The following SLC39A8 variants were observed in gnomAD, a reference collection of about 807,000 sequenced individuals.
SLC39A8 encodes metal cation symporter ZIP8.
SLC39A8 carries 15 observed loss-of-function variants against 40.4 expected under a neutral mutation model. The ratio of observed to expected loss-of-function variants is 0.37; its 90% CI spans 0.25 to 0.57. The LOEUF (loss-of-function observed/expected upper bound fraction) is 0.57. Ranked by LOEUF, SLC39A8 falls within the 20% of genes least tolerant of loss-of-function variation. The probability of loss-of-function intolerance (pLI) is 0.75; values close to 1 mark genes in which losing one functional copy is unlikely to be tolerated. For synonymous variants in SLC39A8, 223 were observed against 221.6 expected (o/e 1.01, Z -0.06); for missense variants, 472 against 558.8 (o/e 0.84, Z 1.57).
intron 6 of SLC39A8, among the ~76,000 whole-genome samples, chr4:102,277,724 G>A (rs1732685358): frequency 1.3e-5 from 2 of 152,170 alleles, no homozygotes; most frequent in African/African-American, 4.8e-5. Context: ...CACGCTACCT[G>A]ACTTCAAACT....
At chr4:102,290,250 A>C (rs1310238953) in intron 6 of SLC39A8, among the ~76,000 whole-genome samples, 1 of 152,154 alleles carries the variant, frequency 6.6e-6, no homozygotes, top group Non-Finnish European at 1.5e-5. Flanking sequence ...GTCATTGTTT[A>C]GACATAATGA....
rs16996763 is a variant in SLC39A8 at position 102,255,425 on chromosome 4, A to G, written c.*299-1995T>C. Among the ~76,000 whole-genome samples, 258 of 152,298 alleles carry G rather than the reference A, an allele frequency of 1.7e-3. 1 individual carries two copies. Among genetic ancestry groups the G allele is most frequent in the African/African-American group, 6.0e-3 (250 of 41,580 alleles). ...ACACAACTCTCTCCAATCAGTCCCC[A>G]TAGCTTCTACTGTTTTCTCAGCATC... On this transcript the variant is annotated intron_variant and NMD_transcript_variant, in intron 11 of 11. Transcript: ENST00000424970.
chr4:102,305,836 T>C (rs1050447156), intron 4 of SLC39A8, among the ~76,000 whole-genome samples: 33 of 151,966 alleles, frequency 2.2e-4, no homozygotes, highest in African/African-American at 6.5e-4. Flanking sequence ...TTCAAATAAA[T>C]AGAATCAGAG....
At chr4:102,263,258 T>C in intron 8 of SLC39A8, 65 bp from the exon 9 acceptor site, 1 of 1,407,340 alleles carries the variant, frequency 7.1e-7, no homozygotes, top group Non-Finnish European at 1.0e-6. Context: ...AACAGTCACT[T>C]AGAGGCATAC....
At chr4:102,289,384 A>G (rs780981909) in intron 6 of SLC39A8, among the ~76,000 whole-genome samples, 12 of 152,132 alleles carry the variant, frequency 7.9e-5, no homozygotes, top group Non-Finnish European at 1.3e-4. Flanking sequence ...AAGGAGATGA[A>G]TGTCGTTTTC....
intron 2 of SLC39A8, among the ~76,000 whole-genome samples, chr4:102,328,853 G>T (rs140683414): frequency 0.016 from 2,473 of 152,052 alleles, 71 homozygotes; most frequent in African/African-American, 0.057. Context: ...GTGAAACCCC[G>T]TCTCTACTAA....
At chr4:102,293,466 T>C (rs916870367) in intron 6 of SLC39A8, among the ~76,000 whole-genome samples, 4 of 151,962 alleles carry the variant, frequency 2.6e-5, no homozygotes, top group African/African-American at 9.7e-5. Flanking sequence ...TCAATATGGA[T>C]GCAGAAAGTC....
intron 2 of SLC39A8, among the ~76,000 whole-genome samples, chr4:102,344,090 C>A (rs1736053989): frequency 6.6e-6 from 1 of 152,206 alleles, no homozygotes; most frequent in South Asian, 2.1e-4. Context: ...CGTTATCTTT[C>A]TGGCAAGATT....
intron 6 of SLC39A8, among the ~76,000 whole-genome samples, chr4:102,281,412 T>C (rs1178207215): frequency 9.2e-5 from 14 of 152,174 alleles, no homozygotes; most frequent in Admixed American, 9.2e-4. Context: ...ACATTTGACA[T>C]GAATTACATC....
At chr4:102,327,050 G>C (rs992627062) in intron 2 of SLC39A8, among the ~76,000 whole-genome samples, 7 of 152,170 alleles carry the variant, frequency 4.6e-5, no homozygotes, top group Non-Finnish European at 1.0e-4. Flanking sequence ...GAGACACCAA[G>C]GCAGGAGGAT....
Position 102,262,493 on chromosome 4 carries a change from A to G in SLC39A8, c.*551T>C. 1.0e-6 allele frequency: 1 copy of G among 985,354 alleles called. No individual in the cohort carries two copies. Among genetic ancestry groups the G allele is most frequent in the Non-Finnish European group, 1.2e-6 (1 of 829,718 alleles). 61.0% of individuals were successfully genotyped at this position (985,354 alleles called of 1,614,324 possible). On this transcript the variant is annotated 3_prime_UTR_variant, in exon 9 of 9. Coordinates refer to ENST00000356736, the MANE Select transcript of SLC39A8 (RefSeq NM_001135146.2). ...AATACTGCAAGTTCCTAATTGAAAT[A>G]CAAAACAGAACAAAAAGCTGTGAGA... is the stretch of plus-strand genomic sequence containing the variant.
chr4:102,326,000 G>C (rs954155529), intron 2 of SLC39A8, among the ~76,000 whole-genome samples: 3 of 152,106 alleles, frequency 2.0e-5, no homozygotes, highest in African/African-American at 7.2e-5. Context: ...TGTTCTTTTA[G>C]ACTCCTAAAA....
intron 2 of SLC39A8, among the ~76,000 whole-genome samples, chr4:102,324,069 T>G (rs986177290): frequency 1.3e-5 from 2 of 152,146 alleles, no homozygotes; most frequent in African/African-American, 4.8e-5. Flanking sequence ...TATATTCATG[T>G]AACAAAACTG....
At chr4:102,279,245 A>G (rs1323489553) in intron 6 of SLC39A8, among the ~76,000 whole-genome samples, 2 of 152,104 alleles carry the variant, frequency 1.3e-5, no homozygotes, top group Admixed American at 1.3e-4. Context: ...ATACCAGGAA[A>G]CATGGTCATT....
intron 3 of SLC39A8, among the ~76,000 whole-genome samples, chr4:102,308,847 C>G (rs1734302625): frequency 6.6e-6 from 1 of 152,052 alleles, no homozygotes; most frequent in African/African-American, 2.4e-5. Context: ...TTATTTGAAC[C>G]TCACAAAACC....
intron 2 of SLC39A8, among the ~76,000 whole-genome samples, chr4:102,336,941 A>G (rs1473204671): frequency 6.6e-6 from 1 of 152,206 alleles, no homozygotes; most frequent in Non-Finnish European, 1.5e-5. Context: ...AGTTTTTTAG[A>G]TAGCCTAGAG....
At chr4:102,256,642 C>T (rs558072150) in intron 11 of SLC39A8, among the ~76,000 whole-genome samples, 1 of 152,194 alleles carries the variant, frequency 6.6e-6, no homozygotes, top group Non-Finnish European at 1.5e-5. Context: ...TATCATCTTT[C>T]ATCCCCATAA....
At chr4:102,319,624 T>TC (rs756592715) in intron 2 of SLC39A8, among the ~76,000 whole-genome samples, 1 of 151,874 alleles carries the variant, frequency 6.6e-6, no homozygotes, top group Non-Finnish European at 1.5e-5. Context: ...ACTGACCCCC[T>TC]CCCCACTCCT....
intron 2 of SLC39A8, among the ~76,000 whole-genome samples, chr4:102,334,290 A>C (rs536439210): frequency 6.6e-6 from 1 of 152,288 alleles, no homozygotes; most frequent in Admixed American, 6.5e-5. Flanking sequence ...TCAAAATTGG[A>C]ATGTCTGGTC....
Sources: allele counts gnomAD v4.1 joint callset (sites outside exome capture counted in the v4.1 genomes callset), GRCh38; gene constraint gnomAD v4.1.1; transcripts MANE v1.5; gene names NCBI Gene and HGNC (gene_info 2026-07-23, HGNC 2026-07-21).